Variants in SIMC1 observed in about 807,000 individuals in gnomAD.
SIMC1 encodes the protein SUMO-interacting motif-containing protein 1.
Under a neutral mutation model 82.3 loss-of-function variants are expected in SIMC1, and 55 were observed. The observed-to-expected ratio is 0.67, with a 90% CI of 0.54 to 0.84. SIMC1 has a LOEUF of 0.84. SIMC1 is among the 40% of genes least tolerant of loss of function. The pLI is 0.00. For missense variants in SIMC1, 915 were observed against 1,107.2 expected (o/e 0.83, Z 2.46); for synonymous variants, 353 against 426.3 (o/e 0.83, Z 2.12).
Position 176,314,707 on chromosome 5 carries a change from G to A in SIMC1, c.1889+862G>A, listed in dbSNP as rs115827634. On this transcript the variant is annotated intron_variant, in intron 5 of 9. Coordinates refer to ENST00000429602, the MANE Select transcript of SIMC1 (RefSeq NM_001308195.2). ...GGGAAAATATGATCTTTAGGGTAGG[G>A]GATTGTGGGCTTGAATTTTCCTTTT... Among the ~76,000 whole-genome samples, 433 of 152,194 alleles carry A rather than the reference G, an allele frequency of 2.8e-3. 1 individual carries two copies. The highest frequency in any genetic ancestry group is 0.01 in the Middle Eastern group (3 of 294).
chr5:176,290,823 C>T lies in SIMC1; in HGVS notation c.1299C>T (p.Ala433=). 6.2e-7 allele frequency: 1 copy of T among 1,613,690 alleles called. No individual in the cohort carries two copies. Among genetic ancestry groups the T allele is most frequent in the African/African-American group, 1.3e-5 (1 of 75,014 alleles). ...SLSEPAKPGS[A]HVQSRTPQGG... The stretch of plus-strand genomic sequence containing the variant: ...CAGAGCCTGCCAAACCTGGGTCTGC[C>T]CACGTACAATCACGAACACCACAAG... The change falls in exon 2 of 10, where the codon GCC becomes GCT. Residue 433 remains alanine, a synonymous_variant. Transcript: ENST00000429602.
chr5:176,268,507 G>C (rs1414358148), intron 1 of SIMC1, among the ~76,000 whole-genome samples: 1 of 148,832 alleles, frequency 6.7e-6, no homozygotes, highest in Non-Finnish European at 1.5e-5. Context: ...CAAATAGTAT[G>C]CACAAGAAAT....
intron 9 of SIMC1, among the ~76,000 whole-genome samples, chr5:176,337,563 C>T (rs951473770): frequency 1.3e-5 from 2 of 152,162 alleles, no homozygotes; most frequent in African/African-American, 4.8e-5. Flanking sequence ...CACTGCATTC[C>T]AGCCTGGGCA....
intron 9 of SIMC1, among the ~76,000 whole-genome samples, chr5:176,339,476 G>A (rs13164495): frequency 0.08 from 12,227 of 152,252 alleles, 530 homozygotes; most frequent in Middle Eastern, 0.12. Flanking sequence ...ACAAAGACCC[G>A]AAGGCAAGTT....
intron 5 of SIMC1, among the ~76,000 whole-genome samples, chr5:176,315,150 T>G (rs1764841289): frequency 6.6e-6 from 1 of 152,118 alleles, no homozygotes; most frequent in Non-Finnish European, 1.5e-5. Flanking sequence ...ATTCTACAAG[T>G]TGTACAAGAA....
At position 176,276,537 on chromosome 5, in the gene SIMC1, G is replaced by A. The variant is rs191295181; in HGVS notation, c.130-13117G>A. ...ATGTATACATGTGCTGTGCTGGTGC[G>A]CTGCACCCACTAACTCATCATCTAG... On this transcript the variant is annotated intron_variant, in intron 1 of 9. Transcript: ENST00000429602. 1.1e-3 allele frequency among the ~76,000 whole-genome samples: 159 copies of A among 148,620 alleles called. 3 individuals carry two copies. Among genetic ancestry groups the A allele is most frequent in the African/African-American group, 3.1e-3 (125 of 40,282 alleles).
At chr5:176,264,787 C>A (rs1430483117) in intron 1 of SIMC1, among the ~76,000 whole-genome samples, 1 of 151,934 alleles carries the variant, frequency 6.6e-6, no homozygotes, top group Non-Finnish European at 1.5e-5. Context: ...TGATTGTGGA[C>A]TGTGAGATTT....
chr5:176,321,885 C>CTTTTTTTTTTTTTTTTTTT (rs11418187), intron 5 of SIMC1, among the ~76,000 whole-genome samples: 2 of 90,720 alleles, frequency 2.2e-5, no homozygotes, highest in African/African-American at 4.4e-5. Flanking sequence ...TTTTAGTTAG[C>CTTTTTTTTTTTTTTTTTTT]TTTTTTTTTT....
intron 5 of SIMC1, among the ~76,000 whole-genome samples, chr5:176,317,577 T>C (rs1233815085): frequency 6.6e-6 from 1 of 152,156 alleles, no homozygotes; most frequent in Non-Finnish European, 1.5e-5. Context: ...ACATTCCCCA[T>C]CACACACATA....
Position 176,313,832 on chromosome 5 carries a change from C to T in SIMC1, c.1876C>T (p.Pro626Ser), listed in dbSNP as rs894452878. 6 of 1,613,422 alleles carry T rather than the reference C, an allele frequency of 3.7e-6. No homozygotes were observed. Among genetic ancestry groups the T allele is most frequent in the African/African-American group, 2.7e-5 (2 of 74,888 alleles). Residue 626 changes from proline (P) to serine (S), a missense_variant, in exon 5 of 10, where the codon CCC becomes TCC. This residue lies in a region of SIMC1 where 902 missense variants were observed against 1,040.3 expected (regional missense o/e 0.87). Coordinates refer to ENST00000429602, the MANE Select transcript of SIMC1 (RefSeq NM_001308195.2). ...CATGGTGCTTTCCTGTGACAAGCAG[C>T]CCCACAATGTCAGGTAAGCAGCCAC... Reference protein sequence around the residue: ...ANMVLSCDKQPHNVRDVIKWL... With the variant: ...ANMVLSCDKQSHNVRDVIKWL...
chr5:176,313,945 G>T, intron 5 of SIMC1, 100 bp downstream of exon 5: 1 of 1,475,260 alleles, frequency 6.8e-7, no homozygotes, highest in South Asian at 1.3e-5. Flanking sequence ...TTTCTAGTCA[G>T]TAGATAGTGT....
intron 4 of SIMC1, 112 bp downstream of exon 4, chr5:176,296,432 G>A: frequency 6.4e-7 from 1 of 1,562,028 alleles, no homozygotes; most frequent in Non-Finnish European, 8.7e-7. Flanking sequence ...GGGAGGCCGA[G>A]GCAGGAGGAC....
intron 1 of SIMC1, among the ~76,000 whole-genome samples, chr5:176,283,511 GCTC>G (rs1444221389): frequency 6.6e-6 from 1 of 152,178 alleles, no homozygotes; most frequent in African/African-American, 2.4e-5. Context: ...CCCTACAAGA[GCTC>G]CTGAAGGAAG....
chr5:176,313,708 G>A lies in SIMC1; in HGVS notation c.1752G>A (p.Gly584=), dbSNP rs764662477. 1 of 1,613,910 alleles carries A rather than the reference G, an allele frequency of 6.2e-7. No homozygotes were observed. The highest frequency in any genetic ancestry group is 1.3e-5 in the African/African-American group (1 of 75,014). Residue 584 remains glycine (G), a synonymous_variant, in exon 5 of 10, where the codon GGG becomes GGA. Transcript: ENST00000429602. The part of the protein sequence containing the change: ...VMEEEGQTLP[G]RVLFLRYVVQ... ...TCCCACAGGGACAAACTCTGCCTGG[G>A]CGAGTCCTTTTCCTGCGTTATGTCG...
intron 1 of SIMC1, among the ~76,000 whole-genome samples, chr5:176,263,797 C>T (rs1232316026): frequency 1.3e-5 from 2 of 152,204 alleles, no homozygotes; most frequent in African/African-American, 4.8e-5. Flanking sequence ...AGTCTTAACT[C>T]ATTCCACTAT....
intron 1 of SIMC1, among the ~76,000 whole-genome samples, chr5:176,249,065 G>A (rs1217683082): frequency 6.6e-6 from 1 of 152,114 alleles, no homozygotes; most frequent in Non-Finnish European, 1.5e-5. Flanking sequence ...AAATTTTTTT[G>A]TTGTTGTTGT....
Position 176,274,570 on chromosome 5 carries a change from C to T in SIMC1, c.130-15084C>T, listed in dbSNP as rs141854586. ...ATTGCTTTTGGTGTTTTAGATATGA[C>T]GTCCTTGCCCTTGCCTATGTCCTGA... On this transcript the variant is annotated intron_variant, in intron 1 of 9. Transcript: ENST00000429602. Among the ~76,000 whole-genome samples, 442 of 151,880 alleles carry T rather than the reference C, an allele frequency of 2.9e-3. 9 individuals carry two copies. The highest frequency in any genetic ancestry group is 0.01 in the Middle Eastern group (3 of 294).
chr5:176,265,726 G>A (rs1375836557), intron 1 of SIMC1, among the ~76,000 whole-genome samples: 4 of 152,182 alleles, frequency 2.6e-5, no homozygotes, highest in Non-Finnish European at 4.4e-5. Context: ...TGTTATCTGT[G>A]AAAGTTTAAT....
intron 6 of SIMC1, among the ~76,000 whole-genome samples, chr5:176,323,653 G>A (rs1179010395): frequency 1.3e-5 from 2 of 152,186 alleles, no homozygotes; most frequent in Non-Finnish European, 2.9e-5. Flanking sequence ...TGTGTTACTA[G>A]CTGCAGATTT....
Sources: allele counts gnomAD v4.1 joint callset (sites outside exome capture counted in the v4.1 genomes callset), GRCh38; gene constraint gnomAD v4.1.1; regional missense constraint gnomAD v4.1.1; transcripts MANE v1.5; gene names NCBI Gene and HGNC (gene_info 2026-07-23, HGNC 2026-07-21).